Variants in LRP1B observed in about 807,000 individuals in gnomAD.
The protein encoded by LRP1B is LDL receptor related protein 1B.
LRP1B carries 217 observed loss-of-function variants against 556.6 expected under a neutral mutation model. The observed-to-expected ratio is 0.39, with a 90% CI of 0.35 to 0.44. The LOEUF is 0.44. Ranked by LOEUF, LRP1B falls within the 20% of genes least tolerant of loss-of-function variation. The pLI is 1.00. For synonymous variants in LRP1B, 2,047 were observed against 1,865.8 expected (o/e 1.10, Z -2.50); for missense variants, 5,053 against 5,620.8 (o/e 0.90, Z 3.23).
At chr2:140,824,150 A>G (rs568682583) in intron 31 of LRP1B, among the ~76,000 whole-genome samples, 1 of 152,022 alleles carries the variant, frequency 6.6e-6, no homozygotes, top group South Asian at 2.1e-4. Context: ...AGAAAACACA[A>G]TAATCTGAAA....
chr2:142,101,595 G>A (rs1706571225), intron 1 of LRP1B, among the ~76,000 whole-genome samples: 1 of 151,944 alleles, frequency 6.6e-6, no homozygotes, highest in South Asian at 2.1e-4. Flanking sequence ...TAGATTGGAA[G>A]TTTAATATTG....
At chr2:140,409,755 C>T (rs542282855) in intron 66 of LRP1B, among the ~76,000 whole-genome samples, 12 of 151,882 alleles carry the variant, frequency 7.9e-5, no homozygotes, top group Non-Finnish European at 1.3e-4. Flanking sequence ...AATTACTTGT[C>T]CCAAAGCCCA....
chr2:140,396,483 G>C lies in LRP1B; in HGVS notation c.10415-10474C>G, dbSNP rs192627213. Among the ~76,000 whole-genome samples, 160 of 152,254 alleles carry C rather than the reference G, an allele frequency of 1.1e-3. 3 individuals are homozygous for C. The highest frequency in any genetic ancestry group is 3.5e-3 in the African/African-American group (147 of 41,570). On this transcript the variant is annotated intron_variant, in intron 66 of 90. Coordinates refer to ENST00000389484, the MANE Select transcript of LRP1B (RefSeq NM_018557.3). The stretch of plus-strand genomic sequence containing the variant: ...GAAGCAAGGTAGAAACAGCCCAAAA[G>C]TTAAAGGCGGAACTTGATTTGAATC...
At chr2:141,434,870 A>G (rs983756834) in intron 3 of LRP1B, among the ~76,000 whole-genome samples, 32 of 152,138 alleles carry the variant, frequency 2.1e-4, no homozygotes, top group Admixed American at 1.2e-3. Flanking sequence ...TTCTCTCCGC[A>G]TTTTTTCTTT....
intron 2 of LRP1B, among the ~76,000 whole-genome samples, chr2:141,548,105 G>A (rs2105224886): frequency 6.6e-6 from 1 of 152,186 alleles, no homozygotes; most frequent in African/African-American, 2.4e-5. Context: ...ATCTAGCTGT[G>A]GCACTTATTA....
chr2:141,819,036 C>T (rs1024813756), intron 1 of LRP1B, among the ~76,000 whole-genome samples: 4 of 151,022 alleles, frequency 2.6e-5, no homozygotes, highest in Admixed American at 2.0e-4. Flanking sequence ...GTCAGGAGTT[C>T]GAGACCAGCC....
At chr2:140,719,733 T>A (rs187206084) in intron 35 of LRP1B, among the ~76,000 whole-genome samples, 41 of 152,200 alleles carry the variant, frequency 2.7e-4, no homozygotes, top group Admixed American at 2.6e-3. Context: ...ACTAACATAT[T>A]TTCTCGTATC....
intron 3 of LRP1B, among the ~76,000 whole-genome samples, chr2:141,454,235 G>T (rs533814211): frequency 6.6e-6 from 1 of 152,288 alleles, no homozygotes; most frequent in South Asian, 2.1e-4. Context: ...AATTTAAAAT[G>T]ACCTGTTGAT....
At chr2:141,110,519 C>G (rs1286568877) in intron 7 of LRP1B, among the ~76,000 whole-genome samples, 1 of 151,966 alleles carries the variant, frequency 6.6e-6, no homozygotes, top group Admixed American at 6.6e-5. Flanking sequence ...GCTTATATAT[C>G]TAATTTAATA....
rs530219513 is a variant in LRP1B, at chr2:141,343,318, A to C, written c.344-88677T>G. On this transcript the variant is annotated intron_variant, in intron 3 of 90. Coordinates refer to ENST00000389484, the MANE Select transcript of LRP1B (RefSeq NM_018557.3). ...TCCTGTAGCTTCTTGAACTTATGGA[A>C]TACAGTTACAAGAATTATTCTAATA... Among the ~76,000 whole-genome samples the C allele has an allele frequency of 4.3e-4, 66 of 152,308 alleles. 1 individual carries two copies. Among genetic ancestry groups the C allele is most frequent in the Middle Eastern group, 3.4e-3 (1 of 292 alleles).
intron 10 of LRP1B, among the ~76,000 whole-genome samples, chr2:141,052,215 T>G (rs1000452715): frequency 6.6e-6 from 1 of 152,054 alleles, no homozygotes; most frequent in African/African-American, 2.4e-5. Context: ...AGTGTCTACC[T>G]GATGTCAAGG....
intron 66 of LRP1B, among the ~76,000 whole-genome samples, chr2:140,428,915 T>G (rs1427144509): frequency 6.6e-6 from 1 of 152,192 alleles, no homozygotes; most frequent in African/African-American, 2.4e-5. Context: ...ATATTTTAAC[T>G]AAATTATCTG....
intron 2 of LRP1B, among the ~76,000 whole-genome samples, chr2:141,599,831 A>G (rs898710227): frequency 6.6e-6 from 1 of 152,068 alleles, no homozygotes; most frequent in Non-Finnish European, 1.5e-5. Flanking sequence ...TGACTTTCTA[A>G]TCTCCCTTTA....
At chr2:141,659,881 A>C (rs1057440812) in intron 2 of LRP1B, among the ~76,000 whole-genome samples, 1 of 152,158 alleles carries the variant, frequency 6.6e-6, no homozygotes, top group Non-Finnish European at 1.5e-5. Flanking sequence ...ACTAAGGGAG[A>C]GTGATAAATG....
intron 2 of LRP1B, among the ~76,000 whole-genome samples, chr2:141,652,075 A>G (rs556630480): frequency 8.5e-5 from 13 of 152,264 alleles, no homozygotes; most frequent in African/African-American, 2.9e-4. Flanking sequence ...ATAACACACA[A>G]CTTCCCTCAA....
intron 42 of LRP1B, among the ~76,000 whole-genome samples, chr2:140,600,552 C>CT (rs914085729): frequency 9.2e-5 from 14 of 151,808 alleles, no homozygotes; most frequent in African/African-American, 2.4e-4. Context: ...ATTCTTCAAT[C>CT]TTTTTTTTGT....
intron 7 of LRP1B, among the ~76,000 whole-genome samples, chr2:141,187,306 T>C (rs929207389): frequency 4.6e-5 from 7 of 152,108 alleles, no homozygotes; most frequent in African/African-American, 9.7e-5. Flanking sequence ...ACCATTGTGA[T>C]GATGCGTCTT....
At chr2:140,534,326 G>A (rs1006761389) in intron 46 of LRP1B, among the ~76,000 whole-genome samples, 186 bp from the exon 47 acceptor site, 4 of 152,114 alleles carry the variant, frequency 2.6e-5, no homozygotes, top group African/African-American at 4.8e-5. Context: ...TTCAGCAAGG[G>A]CCCTTTTTGA....
intron 43 of LRP1B, among the ~76,000 whole-genome samples, chr2:140,582,219 A>G (rs998643877): frequency 1.3e-5 from 2 of 152,156 alleles, no homozygotes; most frequent in African/African-American, 4.8e-5. Flanking sequence ...CTCAATTTTC[A>G]CTATGCAAAT....
Sources: gnomAD v4.1 joint callset for allele counts (sites outside exome capture counted in the v4.1 genomes callset) on GRCh38, gnomAD v4.1.1 for gene constraint, MANE v1.5 for transcripts, NCBI Gene and HGNC (gene_info 2026-07-23, HGNC 2026-07-21) for gene names.